The following C1orf87 variants were observed in gnomAD, a reference collection of about 807,000 sequenced individuals.
C1orf87 encodes uncharacterized protein C1orf87.
A neutral mutation model predicts 60.5 loss-of-function variants in C1orf87; 58 were observed. The observed-to-expected ratio is 0.96, with a 90% CI of 0.78 to 1.19. The LOEUF is 1.19. Among genes scored for constraint, C1orf87 ranks in the 50% most tolerant of loss-of-function variants. C1orf87 has a pLI of 0.00. For synonymous variants in C1orf87, 236 were observed against 227.4 expected (o/e 1.04, Z -0.34); for missense variants, 673 against 638.6 (o/e 1.05, Z -0.58).
intron 9 of C1orf87, chr1:60,008,588 G>T: frequency 2.7e-6 from 1 of 377,268 alleles, no homozygotes. Flanking sequence ...TAGACCTATA[G>T]AGACACCAGG....
intron 8 of C1orf87, among the ~76,000 whole-genome samples, chr1:60,020,361 G>T (rs1557463392): frequency 6.6e-6 from 1 of 152,172 alleles, no homozygotes. Flanking sequence ...TCCACTGACA[G>T]CTTGCAACCG....
At chr1:60,066,506 C>T (rs1479464939) in intron 2 of C1orf87, among the ~76,000 whole-genome samples, 1 of 152,096 alleles carries the variant, frequency 6.6e-6, no homozygotes, top group Non-Finnish European at 1.5e-5. Flanking sequence ...GAAATTCAGT[C>T]ACATCTTCAG....
intron 3 of C1orf87, among the ~76,000 whole-genome samples, chr1:60,046,363 ATTCT>A (rs1645370528): frequency 1.3e-5 from 1 of 75,304 alleles, no homozygotes; most frequent in African/African-American, 5.5e-5. Flanking sequence ...CTTTCCTTTC[ATTCT>A]TTCTCTTTTT....
At chr1:60,059,652 C>T (rs1333954124) in intron 2 of C1orf87, among the ~76,000 whole-genome samples, 2 of 152,194 alleles carry the variant, frequency 1.3e-5, no homozygotes, top group Non-Finnish European at 2.9e-5. Flanking sequence ...CACCAGATCT[C>T]ACATTTGATT....
At chr1:59,997,103 G>C (rs1406382196) in intron 11 of C1orf87, among the ~76,000 whole-genome samples, 1 of 152,152 alleles carries the variant, frequency 6.6e-6, no homozygotes, top group East Asian at 1.9e-4. Flanking sequence ...GTTGGGGTAA[G>C]TAGAGAGGAA....
chr1:60,070,803 G>A (rs995759265), intron 2 of C1orf87, among the ~76,000 whole-genome samples: 1 of 152,044 alleles, frequency 6.6e-6, no homozygotes, highest in Non-Finnish European at 1.5e-5. Flanking sequence ...ACAAAATGGG[G>A]AAAGGCACCT....
intron 2 of C1orf87, 35 bp downstream of exon 2, chr1:60,072,502 C>A: frequency 2.1e-6 from 3 of 1,454,906 alleles, no homozygotes; most frequent in South Asian, 1.2e-5. Flanking sequence ...CATTATCATC[C>A]AAGCAACATA....
chr1:59,998,103 G>T (rs1228083794), intron 10 of C1orf87, among the ~76,000 whole-genome samples: 1 of 146,750 alleles, frequency 6.8e-6, no homozygotes, highest in East Asian at 2.3e-4. Context: ...ACTGACTGAG[G>T]CTTTTCATGA....
intron 2 of C1orf87, among the ~76,000 whole-genome samples, chr1:60,064,039 CA>C (rs1557481320): frequency 6.6e-6 from 1 of 151,766 alleles, no homozygotes; most frequent in Non-Finnish European, 1.5e-5. Context: ...GAATATAGAG[CA>C]GGCAGAAAAA....
chr1:60,029,599 C>T (rs1645222204), intron 7 of C1orf87, among the ~76,000 whole-genome samples: 1 of 150,624 alleles, frequency 6.6e-6, no homozygotes. Flanking sequence ...CGACTTCTAC[C>T]GAGAACACTT....
At chr1:60,046,674 G>A (rs1645374210) in intron 3 of C1orf87, among the ~76,000 whole-genome samples, 1 of 151,920 alleles carries the variant, frequency 6.6e-6, no homozygotes, top group Non-Finnish European at 1.5e-5. Flanking sequence ...CTGACCTAAA[G>A]CAATCCTCCT....
intron 11 of C1orf87, among the ~76,000 whole-genome samples, chr1:59,991,179 A>G (rs1644921437): frequency 6.6e-6 from 1 of 152,174 alleles, no homozygotes; most frequent in Non-Finnish European, 1.5e-5. Context: ...AGTAACTTCT[A>G]ATTGTCCTGA....
At chr1:60,014,131 G>T (rs675493) in intron 8 of C1orf87, among the ~76,000 whole-genome samples, 64,096 of 151,896 alleles carry the variant, frequency 0.42, 14,242 homozygotes, top group South Asian at 0.56. Context: ...GCACAGAAGA[G>T]TTGTGTGTGG....
At chr1:60,054,599 G>C (rs1441245203) in intron 3 of C1orf87, among the ~76,000 whole-genome samples, 1 of 152,122 alleles carries the variant, frequency 6.6e-6, no homozygotes, top group Non-Finnish European at 1.5e-5. Context: ...ATGGTACTTT[G>C]TTATCAATGA....
chr1:60,041,213 T>C, intron 3 of C1orf87, 82 bp from the exon 4 acceptor site: 1 of 1,221,376 alleles, frequency 8.2e-7, no homozygotes, highest in Non-Finnish European at 1.1e-6. Context: ...AGAAAATGAG[T>C]AAACCAACCA....
intron 3 of C1orf87, among the ~76,000 whole-genome samples, chr1:60,052,527 T>C (rs945252808): frequency 6.6e-6 from 1 of 152,186 alleles, no homozygotes; most frequent in Non-Finnish European, 1.5e-5. Flanking sequence ...TGTTCTTATA[T>C]ACACAAAATG....
At chr1:60,021,953 A>C (rs1233012812) in intron 8 of C1orf87, among the ~76,000 whole-genome samples, 1 of 152,158 alleles carries the variant, frequency 6.6e-6, no homozygotes, top group Non-Finnish European at 1.5e-5. Context: ...AAGAGCTTTC[A>C]AGGTAGAGGG....
intron 9 of C1orf87, among the ~76,000 whole-genome samples, chr1:60,008,085 G>A (rs1446597574): frequency 6.6e-6 from 1 of 152,012 alleles, no homozygotes; most frequent in Non-Finnish European, 1.5e-5. Flanking sequence ...AACAAGAAGA[G>A]ACCAAGACAT....
At chr1:60,035,316 T>C (rs1645267904) in intron 6 of C1orf87, among the ~76,000 whole-genome samples, 2 of 152,218 alleles carry the variant, frequency 1.3e-5, no homozygotes, top group South Asian at 4.1e-4. Context: ...CCTGGCTCCG[T>C]ACACTGAGTA....
Sources: allele counts gnomAD v4.1 joint callset (sites outside exome capture counted in the v4.1 genomes callset), GRCh38; gene constraint gnomAD v4.1.1; transcripts MANE v1.5; gene names NCBI Gene and HGNC (gene_info 2026-07-23, HGNC 2026-07-21).